Variants in ATP7A observed in about 807,000 individuals in gnomAD.
The protein encoded by ATP7A is copper-transporting ATPase 1.
In ATP7A, 7 loss-of-function variants were observed where a neutral mutation model predicts 83.5. That is an observed-to-expected ratio of 0.08 (90% CI 0.05 to 0.16). ATP7A has a LOEUF of 0.16. ATP7A is among the 10% of genes least tolerant of loss of function. The pLI is 1.00. For missense variants in ATP7A, 940 were observed against 1,120.8 expected (o/e 0.84, Z 2.30); for synonymous variants, 354 against 395.2 (o/e 0.90, Z 1.24).
At chrX:78,028,122 A>T in intron 14 of ATP7A, among the ~76,000 whole-genome samples, 1 of 109,429 alleles carries the variant, frequency 9.1e-6, no homozygotes, top group Non-Finnish European at 1.9e-5. Flanking sequence ...TTCTGGGCTT[A>T]AGCGATTCTC....
At chrX:78,043,478 T>G in intron 21 of ATP7A, 44 bp downstream of exon 21, 1 of 1,013,986 alleles carries the variant, frequency 9.9e-7, no homozygotes, top group Non-Finnish European at 1.4e-6. Context: ...CTAAAGTTAT[T>G]AGAGACCTAA....
chrX:77,934,976 T>G lies in ATP7A; in HGVS notation c.-22+24141T>G, dbSNP rs187696457. 3.9e-3 allele frequency among the ~76,000 whole-genome samples: 428 copies of G among 109,322 alleles called. 1 individual carries two copies. The highest frequency in any genetic ancestry group is 0.014 in the African/African-American group (411 of 29,939). 94.9% of individuals were successfully genotyped at this position (109,322 alleles called of 115,157 possible). A position where few individuals can be genotyped will look rare whatever the true frequency, so the allele number is the denominator to read the frequency against. On this transcript the variant is annotated intron_variant, in intron 1 of 22. Coordinates refer to ENST00000341514, the MANE Select transcript of ATP7A (RefSeq NM_000052.7). ...GTGCACCACCACACCTGGCTTTTTTTTGTGTGTGTGTCTTTTGTAAAGATG... is the reference window on the plus strand; with the variant it reads ...GTGCACCACCACACCTGGCTTTTTTGTGTGTGTGTGTCTTTTGTAAAGATG...
chrX:78,035,766 T>C (rs781798645), intron 17 of ATP7A, among the ~76,000 whole-genome samples: 2 of 112,184 alleles, frequency 1.8e-5, no homozygotes, highest in South Asian at 7.5e-4. Flanking sequence ...GTAATGTTCT[T>C]GTTCACAAAT....
Position 77,998,719 on chromosome X carries a change from T to TA in ATP7A, c.1543+36dup. On this transcript the variant is annotated intron_variant, in intron 5 of 22. Coordinates refer to ENST00000341514, the MANE Select transcript of ATP7A (RefSeq NM_000052.7). ...TCTTGAAGCTTGTTATTTTATGTGC[T>TA]AGTTTGGGAGCTCCATCTTTTTTGT... The TA allele has an allele frequency of 2.6e-6, 3 of 1,169,046 alleles. No homozygotes were observed. The South Asian group carries it at 5.4e-5, about 21-fold the overall frequency.
chrX:78,014,740 A>T lies in ATP7A; in HGVS notation c.2485A>T (p.Asn829Tyr), dbSNP rs1163453293. ...EATIVTLDSDNILLSEEQVDV... is the reference protein window; with the variant it reads ...EATIVTLDSDYILLSEEQVDV... The stretch of plus-strand genomic sequence containing the variant: ...AACTATTGTAACTCTTGATTCTGAT[A>T]ATATCCTCCTCAGGTATTTATCTTC... The change falls in exon 11 of 23, where the codon AAT becomes TAT. Residue 829 changes from asparagine (N) to tyrosine (Y), a missense_variant. This residue lies in a region of ATP7A where 204 missense variants were observed against 185.8 expected (regional missense o/e 1.10). Transcript: ENST00000341514. The T allele has an allele frequency of 2.5e-6, 3 of 1,196,129 alleles. No homozygotes were observed. The highest frequency in any genetic ancestry group is 3.4e-6 in the Non-Finnish European group (3 of 883,721).
Position 78,046,565 on chromosome X carries a change from T to G in ATP7A, c.4498T>G (p.Leu1500Val), listed in dbSNP as rs782719789. ...CTTCAGGGAAGATGATGACACTGCA[T>G]TATAAAAGGCCATGGAGAGTGCTGC... is the stretch of plus-strand genomic sequence containing the variant. ...GDFREDDDTAL is the reference protein window; with the variant it reads ...GDFREDDDTAV Residue 1500 changes from leucine (L) to valine (V), a missense_variant, in exon 23 of 23, where the codon TTA (leucine) becomes GTA (valine). Coordinates refer to ENST00000341514, the MANE Select transcript of ATP7A (RefSeq NM_000052.7). The G allele has an allele frequency of 1.3e-5, 16 of 1,209,786 alleles. No individual in the cohort carries two copies. In the South Asian group the frequency reaches 2.8e-4, roughly 21 times the overall value.
At chrX:77,983,517 C>T (rs188432117) in intron 2 of ATP7A, among the ~76,000 whole-genome samples, 1 of 111,878 alleles carries the variant, frequency 8.9e-6, no homozygotes, top group East Asian at 2.8e-4. Flanking sequence ...TCTTTACAAT[C>T]TCTGTGACAG....
In ATP7A at chrX:78,004,390, A is replaced by G. The variant is rs908067488; in HGVS notation, c.1707+1154A>G. Among the ~76,000 whole-genome samples the G allele has an allele frequency of 2.7e-5, 3 of 112,645 alleles. No individual in the cohort carries two copies. In the East Asian group the frequency reaches 8.3e-4, roughly 31 times the overall value. On this transcript the variant is annotated intron_variant, in intron 6 of 22. Coordinates refer to ENST00000341514, the MANE Select transcript of ATP7A (RefSeq NM_000052.7). ...TTACAGCTAGAATGTATTTAAATTT[A>G]TTTGTATAACTTAAAAAATTAAAAC...
chrX:77,968,453 C>T (rs1218819351), intron 1 of ATP7A, among the ~76,000 whole-genome samples: 1 of 112,038 alleles, frequency 8.9e-6, no homozygotes, highest in Non-Finnish European at 1.9e-5. Context: ...ACTAGAGCCC[C>T]CAGGCAGTGG....
chrX:77,927,818 C>T (rs1426222459), intron 1 of ATP7A, among the ~76,000 whole-genome samples: 1 of 110,424 alleles, frequency 9.1e-6, no homozygotes, highest in Non-Finnish European at 1.9e-5. Flanking sequence ...GTGATGTTCC[C>T]CTTCGTGGGT....
In ATP7A at chrX:77,917,674, C is replaced by T. The variant is rs144064476; in HGVS notation, c.-22+6839C>T. Among the ~76,000 whole-genome samples, 72 of 112,239 alleles carry T rather than the reference C, an allele frequency of 6.4e-4. 2 individuals are homozygous for T. In the East Asian group the frequency reaches 0.019, roughly 30 times the overall value. On this transcript the variant is annotated intron_variant, in intron 1 of 22. Coordinates refer to ENST00000341514, the MANE Select transcript of ATP7A (RefSeq NM_000052.7). ...TTTGCCTGTCTTTTGTTTCTAGTTG[C>T]GTTTAATGGTAGTGTGTTTTCCTTG...
chrX:77,981,733 T>C (rs1557230929), intron 2 of ATP7A, among the ~76,000 whole-genome samples: 1 of 112,124 alleles, frequency 8.9e-6, no homozygotes, highest in African/African-American at 3.2e-5. Flanking sequence ...GATGGTTTAG[T>C]TCATGAAAAA....
At chrX:78,042,820 T>C in intron 20 of ATP7A, 32 bp downstream of exon 20, 1 of 1,171,800 alleles carries the variant, frequency 8.5e-7, no homozygotes, top group Non-Finnish European at 1.2e-6. Context: ...TTGAGGAGTA[T>C]GAGACTGCCC....
At chrX:78,018,592 C>T (rs918576510) in intron 12 of ATP7A, among the ~76,000 whole-genome samples, 2 of 112,129 alleles carry the variant, frequency 1.8e-5, no homozygotes, top group Non-Finnish European at 3.8e-5. Context: ...TTTTTCTGAG[C>T]CCTCCAAACT....
At chrX:78,043,562 G>C (rs1318601363) in intron 21 of ATP7A, 128 bp downstream of exon 21, 1 of 516,472 alleles carries the variant, frequency 1.9e-6, no homozygotes, top group Non-Finnish European at 3.4e-6. Context: ...TATGGTGAGA[G>C]GTAATGTTAA....
chrX:78,011,491 T>C lies in ATP7A; in HGVS notation c.1989T>C (p.Pro663=), dbSNP rs1557234495. Residue 663 remains proline, a synonymous_variant, in exon 9 of 23, where the codon CCT becomes CCC. Coordinates refer to ENST00000341514, the MANE Select transcript of ATP7A (RefSeq NM_000052.7). ...TTGTGAGTCTGTTTTTCTGTATTCC[T>C]GTAATGGGGCTGATGATATATATGA... ...SFLVSLFFCI[P]VMGLMIYMMV... is the part of the protein sequence containing the mutation. 8.3e-7 allele frequency: 1 copy of C among 1,208,965 alleles called. No individual in the cohort carries two copies. Among genetic ancestry groups the C allele is most frequent in the African/African-American group, 1.8e-5 (1 of 56,988 alleles).
intron 1 of ATP7A, among the ~76,000 whole-genome samples, chrX:77,945,546 T>G (rs1400152573): frequency 1.8e-5 from 2 of 112,097 alleles, no homozygotes; most frequent in African/African-American, 6.5e-5. Flanking sequence ...TCACTACTAT[T>G]TAATGTTTAT....
chrX:78,033,404 A>G (rs1485261084), intron 16 of ATP7A, among the ~76,000 whole-genome samples: 1 of 113,115 alleles, frequency 8.8e-6, no homozygotes, highest in Non-Finnish European at 1.9e-5. Flanking sequence ...GTCAAAACAA[A>G]GACTTTGAGG....
intron 1 of ATP7A, among the ~76,000 whole-genome samples, chrX:77,935,346 G>C (rs1347037679): frequency 7.2e-5 from 8 of 111,699 alleles, no homozygotes; most frequent in Non-Finnish European, 1.3e-4. Flanking sequence ...TTCTTTTTCA[G>C]TCATGGAAAA....
Sources: allele counts gnomAD v4.1 joint callset (sites outside exome capture counted in the v4.1 genomes callset), GRCh38; gene constraint gnomAD v4.1.1; regional missense constraint gnomAD v4.1.1; transcripts MANE v1.5; gene names NCBI Gene and HGNC (gene_info 2026-07-23, HGNC 2026-07-21).